Variants in SIL1 observed in about 807,000 individuals in gnomAD.
The protein encoded by SIL1 is nucleotide exchange factor SIL1.
A neutral mutation model predicts 49.1 loss-of-function variants in SIL1; 40 were observed. That is an observed-to-expected ratio of 0.81 (90% confidence interval 0.63 to 1.06). The LOEUF (loss-of-function observed/expected upper bound fraction) is 1.06, where lower values mean the gene tolerates loss of function less well. SIL1 is among the 50% of genes least tolerant of loss of function. SIL1 has a pLI of 0.00. For synonymous variants in SIL1, 253 were observed against 250.8 expected (o/e 1.01, Z -0.08); for missense variants, 500 against 572.6 (o/e 0.87, Z 1.29).
chr5:139,039,886 C>A (rs146272683), intron 5 of SIL1, among the ~76,000 whole-genome samples: 1 of 152,276 alleles, frequency 6.6e-6, no homozygotes, highest in African/African-American at 2.4e-5. Flanking sequence ...TCAACCATAA[C>A]AACCAAATCT....
rs1315549802 is a variant in SIL1 at position 139,071,212 on chromosome 5, C to T, written c.245-20166G>A. On this transcript the variant is annotated intron_variant, in intron 3 of 9. Transcript: ENST00000394817. ...ATAAGAAGAAGAAGAAAAAAAAAAG[C>T]AGGGGGTGGGGGTGGGGAATAGATA... Among the ~76,000 whole-genome samples the T allele has an allele frequency of 9.4e-3, 96 of 10,230 alleles. No individual in the cohort carries two copies. In the East Asian group the frequency reaches 0.12, roughly 13 times the overall value. The allele number at this position is 10,230 out of a possible 152,430, so 6.7% of individuals were successfully genotyped here. A position where few individuals can be genotyped will look rare whatever the true frequency, so the allele number is the denominator to read the frequency against.
chr5:139,086,550 G>T lies in SIL1; in HGVS notation c.244+34485C>A, dbSNP rs898541688. Among the ~76,000 whole-genome samples, 3 of 151,822 alleles carry T rather than the reference G, an allele frequency of 2.0e-5. No homozygotes were observed. In the East Asian group the frequency reaches 6.0e-4, roughly 30 times the overall value. ...TTTTTTTGTTTTTAGTAGAGATGGG[G>T]TTTCACCAGTTGGCCAGGCTGGTCT... On this transcript the variant is annotated intron_variant, in intron 3 of 9. Coordinates refer to ENST00000394817, the MANE Select transcript of SIL1 (RefSeq NM_022464.5).
At chr5:139,084,949 T>A (rs1561856101) in intron 3 of SIL1, among the ~76,000 whole-genome samples, 1 of 152,218 alleles carries the variant, frequency 6.6e-6, no homozygotes, top group African/African-American at 2.4e-5. Flanking sequence ...TAATTTTTTC[T>A]AGAATGGAAT....
intron 2 of SIL1, among the ~76,000 whole-genome samples, chr5:139,124,108 C>T (rs1750709095): frequency 6.6e-6 from 1 of 152,090 alleles, no homozygotes; most frequent in African/African-American, 2.4e-5. Flanking sequence ...TGTAAGCAAG[C>T]AGCAAAATTC....
chr5:139,033,664 C>T (rs1223912482), intron 5 of SIL1, among the ~76,000 whole-genome samples: 3 of 151,660 alleles, frequency 2.0e-5, no homozygotes, highest in Non-Finnish European at 4.4e-5. Context: ...AGTTTGATTC[C>T]ATTATAATGA....
chr5:139,180,548 T>A (rs1751965395), intron 1 of SIL1, among the ~76,000 whole-genome samples: 1 of 151,942 alleles, frequency 6.6e-6, no homozygotes, highest in Non-Finnish European at 1.5e-5. Context: ...CCTGGTAAGC[T>A]CTCTGGCAAA....
chr5:139,169,769 C>A (rs1242572722), intron 1 of SIL1, among the ~76,000 whole-genome samples: 1 of 151,730 alleles, frequency 6.6e-6, no homozygotes, highest in Non-Finnish European at 1.5e-5. Flanking sequence ...GCGTGAGCCA[C>A]CACGCCCGGC....
chr5:138,984,338 T>C (rs1193075204), intron 7 of SIL1, among the ~76,000 whole-genome samples: 1 of 151,416 alleles, frequency 6.6e-6, no homozygotes, highest in Non-Finnish European at 1.5e-5. Flanking sequence ...CGGTGTTTTT[T>C]TTTTTGTTTG....
At chr5:139,129,480 G>A (rs1443383147) in intron 1 of SIL1, among the ~76,000 whole-genome samples, 1 of 152,090 alleles carries the variant, frequency 6.6e-6, no homozygotes, top group African/African-American at 2.4e-5. Flanking sequence ...AGATCATCCT[G>A]GCTAACACAG....
intron 1 of SIL1, among the ~76,000 whole-genome samples, chr5:139,148,263 T>G (rs1009172701): frequency 9.2e-5 from 14 of 152,138 alleles, no homozygotes; most frequent in African/African-American, 1.7e-4. Context: ...CAGGGGGCCC[T>G]GCAAGATGCC....
In SIL1 at chr5:138,981,596, C is replaced by T. The variant is rs539289955; in HGVS notation, c.768-29712G>A. Among the ~76,000 whole-genome samples the T allele has an allele frequency of 7.3e-4, 111 of 152,304 alleles. 1 individual carries two copies. The highest frequency in any genetic ancestry group is 3.4e-3 in the Middle Eastern group (1 of 294). On this transcript the variant is annotated intron_variant, in intron 7 of 9. Transcript: ENST00000394817. ...ATACACATGCACCAGGATATTCCCC[C>T]CTGGGATTAGATCTGACTGATGGCA...
intron 5 of SIL1, chr5:139,035,043 G>A (rs2150439636): frequency 5.5e-6 from 1 of 181,832 alleles, no homozygotes; most frequent in Admixed American, 6.2e-5. Flanking sequence ...TTTTTCATAT[G>A]ATTGTTGCCC....
intron 1 of SIL1, among the ~76,000 whole-genome samples, chr5:139,152,282 T>C (rs564519254): frequency 7.2e-5 from 11 of 152,330 alleles, no homozygotes; most frequent in African/African-American, 2.4e-4. Flanking sequence ...GGGTAAAAGA[T>C]CAGCAAATTA....
chr5:139,000,446 C>G (rs1460625012), intron 7 of SIL1, among the ~76,000 whole-genome samples: 1 of 151,914 alleles, frequency 6.6e-6, no homozygotes, highest in Non-Finnish European at 1.5e-5. Context: ...GAATACAAAC[C>G]AATACAAATA....
At chr5:139,192,223 C>CAAAA (rs71574438) in intron 1 of SIL1, among the ~76,000 whole-genome samples, 11 of 107,156 alleles carry the variant, frequency 1.0e-4, no homozygotes, top group African/African-American at 3.9e-4. Flanking sequence ...GACCCCATCT[C>CAAAA]AAAAAAAAAA....
chr5:139,075,081 T>C (rs1206639896), intron 3 of SIL1, among the ~76,000 whole-genome samples: 3 of 152,160 alleles, frequency 2.0e-5, no homozygotes, highest in Non-Finnish European at 2.9e-5. Context: ...CCTTGGCCTC[T>C]CAAAGTGCTG....
intron 7 of SIL1, among the ~76,000 whole-genome samples, chr5:138,960,472 G>A (rs1766995364): frequency 6.8e-6 from 1 of 147,428 alleles, no homozygotes; most frequent in Non-Finnish European, 1.5e-5. Context: ...ACCCAGGCTG[G>A]AGTGCAGTGG....
At chr5:139,011,987 C>T (rs901070386) in intron 7 of SIL1, among the ~76,000 whole-genome samples, 4 of 152,110 alleles carry the variant, frequency 2.6e-5, no homozygotes, top group African/African-American at 9.7e-5. Context: ...ATCTATACCC[C>T]GACTCAGCCA....
At chr5:139,145,572 T>A (rs1314734071) in intron 1 of SIL1, among the ~76,000 whole-genome samples, 1 of 151,470 alleles carries the variant, frequency 6.6e-6, no homozygotes, top group Non-Finnish European at 1.5e-5. Context: ...TGAAAATGAC[T>A]CAAACAGCCA....
Sources: gnomAD v4.1 joint callset for allele counts (sites outside exome capture counted in the v4.1 genomes callset) on GRCh38, gnomAD v4.1.1 for gene constraint, MANE v1.5 for transcripts, NCBI Gene and HGNC (gene_info 2026-07-23, HGNC 2026-07-21) for gene names.